EXOC2: variants seen among roughly 807,000 people sequenced by gnomAD.
EXOC2 encodes the protein SEC5-like 1.
A neutral mutation model predicts 131.8 loss-of-function variants in EXOC2; 70 were observed. The ratio of observed to expected loss-of-function variants is 0.53; its 90% CI spans 0.44 to 0.65. The LOEUF is 0.65. Ranked by LOEUF, EXOC2 falls within the 30% of genes least tolerant of loss-of-function variation. EXOC2 has a pLI of 0.00. For missense variants in EXOC2, 923 were observed against 1,108.6 expected (o/e 0.83, Z 2.38); for synonymous variants, 411 against 398.4 (o/e 1.03, Z -0.38).
At chr6:669,110 G>A (rs1361520782) in intron 1 of EXOC2, 3 of 152,326 alleles carry the variant, frequency 2.0e-5, no homozygotes, top group African/African-American at 7.2e-5. Flanking sequence ...ACACCCGGCT[G>A]ATCTCCTGCA....
At chr6:570,240 T>TCCATC (rs1758200376) in intron 13 of EXOC2, among the ~76,000 whole-genome samples, 1 of 149,922 alleles carries the variant, frequency 6.7e-6, no homozygotes, top group Non-Finnish European at 1.5e-5. Flanking sequence ...TTCACGCCAT[T>TCCATC]CTCCTGCCTC....
At chr6:679,804 C>T (rs565678183) in intron 1 of EXOC2, among the ~76,000 whole-genome samples, 4 of 152,050 alleles carry the variant, frequency 2.6e-5, no homozygotes, top group South Asian at 2.1e-4. Context: ...AACAAATTAG[C>T]GAAATAGAAA....
At chr6:556,450 G>C in intron 18 of EXOC2, 34 bp downstream of exon 18, 1 of 1,607,054 alleles carries the variant, frequency 6.2e-7, no homozygotes, top group Non-Finnish European at 8.5e-7. Flanking sequence ...GGCTCCCTGG[G>C]AAACTGGAGT....
chr6:524,053 T>C (rs1394451841), intron 23 of EXOC2: 2 of 152,234 alleles, frequency 1.3e-5, no homozygotes, highest in Admixed American at 6.5e-5. Flanking sequence ...AGTTTGATTA[T>C]GTTAAACAGA....
intron 1 of EXOC2, chr6:656,567 G>A: frequency 6.3e-7 from 1 of 1,592,236 alleles, no homozygotes; most frequent in Non-Finnish European, 8.5e-7. Flanking sequence ...GCACCACGCT[G>A]CGAGCGCGGC....
At chr6:489,114 ATTAT>A in intron 26 of EXOC2, 76 bp from the exon 27 acceptor site, 1 of 1,370,508 alleles carries the variant, frequency 7.3e-7, no homozygotes, top group Non-Finnish European at 1.0e-6. Context: ...GCATCCCTTA[ATTAT>A]TGAGAAGCCA....
intron 7 of EXOC2, among the ~76,000 whole-genome samples, chr6:603,475 C>T (rs1052764975): frequency 2.0e-5 from 3 of 152,160 alleles, no homozygotes; most frequent in African/African-American, 4.8e-5. Flanking sequence ...GACGTCAGCA[C>T]GTACCCCTCT....
chr6:526,487 C>A (rs921743674), intron 23 of EXOC2, among the ~76,000 whole-genome samples: 1 of 129,142 alleles, frequency 7.7e-6, no homozygotes, highest in African/African-American at 3.0e-5. Context: ...GTTGCCCAGG[C>A]TGGAGTGCAA....
Position 655,922 on chromosome 6 carries a change from A to G in EXOC2, c.-43-18061T>C. ...AAAACCTGACAAACCCAATAAACAA[A>G]ACATGAACTACCCAACTGTTTTACC... On this transcript the variant is annotated intron_variant, in intron 1 of 27. Coordinates refer to ENST00000230449, the MANE Select transcript of EXOC2 (RefSeq NM_018303.6). The G allele has an allele frequency of 1.1e-5, 6 of 524,452 alleles. No homozygotes were observed. The South Asian group carries it at 1.7e-4, about 15-fold the overall frequency. 32.5% of individuals were successfully genotyped at this position (524,452 alleles called of 1,614,324 possible).
intron 13 of EXOC2, among the ~76,000 whole-genome samples, chr6:571,167 A>T (rs370826987): frequency 6.6e-6 from 1 of 152,236 alleles, no homozygotes; most frequent in East Asian, 1.9e-4. Flanking sequence ...TGTATAGTCA[A>T]CTTTTCAATA....
intron 1 of EXOC2, among the ~76,000 whole-genome samples, chr6:650,428 T>G (rs540048330): frequency 6.6e-6 from 1 of 152,072 alleles, no homozygotes; most frequent in South Asian, 2.1e-4. Flanking sequence ...CACTCTCTAG[T>G]TTTTCACAAT....
chr6:501,646 TATAG>T (rs555094849), intron 23 of EXOC2, among the ~76,000 whole-genome samples: 23 of 105,670 alleles, frequency 2.2e-4, no homozygotes, highest in Admixed American at 1.2e-3. Context: ...TATCGATATA[TATAG>T]ATAGATATAT....
intron 17 of EXOC2, among the ~76,000 whole-genome samples, chr6:561,198 T>G (rs1049488482): frequency 1.3e-5 from 2 of 152,160 alleles, no homozygotes; most frequent in Non-Finnish European, 2.9e-5. Flanking sequence ...ACCTTGAACT[T>G]TGGAGGAATA....
chr6:689,120 T>C (rs1418501720), intron 1 of EXOC2: 2 of 152,206 alleles, frequency 1.3e-5, no homozygotes, highest in Non-Finnish European at 2.9e-5. Context: ...GCTCTCTGGA[T>C]CCACCCTGAG....
At chr6:689,885 C>T (rs1452178001) in intron 1 of EXOC2, among the ~76,000 whole-genome samples, 1 of 152,074 alleles carries the variant, frequency 6.6e-6, no homozygotes, top group Non-Finnish European at 1.5e-5. Context: ...AATTTCAAGG[C>T]AGGAAGGATT....
At chr6:537,067 C>T (rs1276839550) in intron 22 of EXOC2, among the ~76,000 whole-genome samples, 1 of 151,982 alleles carries the variant, frequency 6.6e-6, no homozygotes, top group Non-Finnish European at 1.5e-5. Flanking sequence ...TAGGGAAAAC[C>T]AAATAAAGCA....
At chr6:542,405 G>A (rs2493045) in intron 22 of EXOC2, among the ~76,000 whole-genome samples, 145,507 of 152,322 alleles carry the variant, frequency 0.96, 69,571 homozygotes, top group East Asian at 1. Flanking sequence ...AGGAGAAAGA[G>A]GACGGTACGG....
chr6:490,125 A>G (rs935120458), intron 26 of EXOC2, among the ~76,000 whole-genome samples: 3 of 152,260 alleles, frequency 2.0e-5, no homozygotes, highest in African/African-American at 4.8e-5. Flanking sequence ...TATGACAATA[A>G]TGATAAACAT....
At chr6:557,860 G>A (rs1757505866) in intron 17 of EXOC2, among the ~76,000 whole-genome samples, 1 of 152,142 alleles carries the variant, frequency 6.6e-6, no homozygotes, top group African/African-American at 2.4e-5. Flanking sequence ...AGGAGCACAG[G>A]AAGAGCAGCG....
Sources: allele counts gnomAD v4.1 joint callset (sites outside exome capture counted in the v4.1 genomes callset), GRCh38; gene constraint gnomAD v4.1.1; transcripts MANE v1.5; gene names NCBI Gene and HGNC (gene_info 2026-07-23, HGNC 2026-07-21).